The following MCC variants were observed in gnomAD, a reference collection of about 807,000 sequenced individuals.
The protein encoded by MCC is MCC regulator of Wnt signaling pathway, also known as colorectal mutant cancer protein.
A neutral mutation model predicts 116.2 loss-of-function variants in MCC; 90 were observed. The observed-to-expected ratio is 0.77, with a 90% CI of 0.65 to 0.92. MCC has a LOEUF of 0.92. Among genes scored for constraint, MCC ranks in the 40% least tolerant of loss-of-function variants. The pLI is 0.00. For missense variants in MCC, 1,516 were observed against 1,312.2 expected (o/e 1.16, Z -2.40); for synonymous variants, 578 against 510.5 (o/e 1.13, Z -1.78).
At chr5:113,359,641 A>G (rs1160375784) in intron 2 of MCC, among the ~76,000 whole-genome samples, 1 of 152,252 alleles carries the variant, frequency 6.6e-6, no homozygotes, top group African/African-American at 2.4e-5. Context: ...ATTAAAAATA[A>G]TATTTGGCAG....
At chr5:113,247,531 G>A (rs1764623295) in intron 3 of MCC, among the ~76,000 whole-genome samples, 1 of 152,162 alleles carries the variant, frequency 6.6e-6, no homozygotes, top group African/African-American at 2.4e-5. Flanking sequence ...TCACATGGAA[G>A]TTTTAGTAGA....
intron 6 of MCC, among the ~76,000 whole-genome samples, chr5:113,111,771 T>C (rs1161375434): frequency 2.0e-5 from 3 of 152,324 alleles, no homozygotes. Flanking sequence ...GGACTTACTA[T>C]ACTTTGGAAA....
At chr5:113,298,439 A>G (rs1766765480) in intron 3 of MCC, among the ~76,000 whole-genome samples, 1 of 152,232 alleles carries the variant, frequency 6.6e-6, no homozygotes, top group Non-Finnish European at 1.5e-5. Context: ...ATAAATTACC[A>G]TAGGGAGTGA....
At chr5:113,376,275 A>G (rs1768977396) in intron 2 of MCC, among the ~76,000 whole-genome samples, 1 of 152,286 alleles carries the variant, frequency 6.6e-6, no homozygotes, top group African/African-American at 2.4e-5. Flanking sequence ...ATTAGGTGCT[A>G]TGGGTATCAG....
intron 3 of MCC, among the ~76,000 whole-genome samples, chr5:113,315,574 A>G (rs1187529703): frequency 1.3e-5 from 2 of 152,128 alleles, no homozygotes; most frequent in African/African-American, 4.8e-5. Flanking sequence ...CTTTTTAAAA[A>G]AAATGACAGC....
intron 3 of MCC, among the ~76,000 whole-genome samples, chr5:113,257,912 A>G (rs1286425771): frequency 6.6e-6 from 1 of 152,160 alleles, no homozygotes; most frequent in Admixed American, 6.5e-5. Flanking sequence ...GGGAGGGAGG[A>G]CAGATGGATA....
chr5:113,181,895 CA>C (rs1761647060), intron 3 of MCC, among the ~76,000 whole-genome samples: 1 of 152,178 alleles, frequency 6.6e-6, no homozygotes, highest in Non-Finnish European at 1.5e-5. Context: ...GGGGTTTTAA[CA>C]GTTGCCACGC....
At chr5:113,356,621 T>G (rs966460186) in intron 2 of MCC, among the ~76,000 whole-genome samples, 1 of 152,152 alleles carries the variant, frequency 6.6e-6, no homozygotes, top group African/African-American at 2.4e-5. Context: ...ACATTTGCCC[T>G]GCTGGGTACT....
intron 5 of MCC, among the ~76,000 whole-genome samples, chr5:113,142,184 A>C (rs894756744): frequency 6.6e-6 from 1 of 152,070 alleles, no homozygotes; most frequent in African/African-American, 2.4e-5. Context: ...TTGGTGTTGG[A>C]ACAAAATGCA....
chr5:113,027,571 G>A, intron 18 of MCC, 89 bp from the exon 19 acceptor site: 1 of 1,175,332 alleles, frequency 8.5e-7, no homozygotes, highest in Non-Finnish European at 1.2e-6. Context: ...CAGATCTAGT[G>A]AGCACTGCTC....
intron 3 of MCC, chr5:113,295,099 T>C (rs1766670266): frequency 4.1e-6 from 1 of 243,852 alleles, no homozygotes; most frequent in South Asian, 1.5e-4. Context: ...TTCTCTGCAA[T>C]AGTAATTAAG....
chr5:113,150,217 T>C (rs958176779), intron 4 of MCC, among the ~76,000 whole-genome samples: 2 of 152,156 alleles, frequency 1.3e-5, no homozygotes, highest in South Asian at 2.1e-4. Context: ...GCTGCCATTT[T>C]TGACAAGAAA....
intron 3 of MCC, among the ~76,000 whole-genome samples, chr5:113,189,911 T>C (rs1344213594): frequency 1.3e-5 from 2 of 152,130 alleles, no homozygotes; most frequent in African/African-American, 2.4e-5. Context: ...CAGGAGAAGA[T>C]CCAGGCTTGG....
At chr5:113,342,162 C>T (rs1768034200) in intron 2 of MCC, among the ~76,000 whole-genome samples, 2 of 152,126 alleles carry the variant, frequency 1.3e-5, no homozygotes, top group Admixed American at 1.3e-4. Flanking sequence ...GCTGTGAATG[C>T]CATTATTTTG....
In MCC at chr5:113,434,044, T is replaced by A. The variant is rs1411721687; in HGVS notation, c.171-48832A>T. 2.5e-6 allele frequency: 4 copies of A among 1,613,922 alleles called. No homozygotes were observed. The highest frequency in any genetic ancestry group is 3.4e-6 in the Non-Finnish European group (4 of 1,179,918). Reference sequence around the variant, plus strand: ...GGCTGCATCCAGCAGTGGCTGAGGATCTCGTCGATGTGGAGCCGCCGGTTG... The same window carrying A: ...GGCTGCATCCAGCAGTGGCTGAGGAACTCGTCGATGTGGAGCCGCCGGTTG... On this transcript the variant is annotated intron_variant, in intron 1 of 18. Coordinates refer to ENST00000408903, the MANE Select transcript of MCC (RefSeq NM_001085377.2). The surrounding 1 kb of genome is among the most constrained non-coding windows in gnomAD (Gnocchi z 4.2).
chr5:113,273,377 A>T (rs187156822), intron 3 of MCC, among the ~76,000 whole-genome samples: 12 of 152,314 alleles, frequency 7.9e-5, no homozygotes, highest in African/African-American at 2.9e-4. Context: ...AGATCTTAGG[A>T]AAGTTGATAT....
chr5:113,265,074 T>G (rs1170305328), intron 3 of MCC, among the ~76,000 whole-genome samples: 1 of 152,148 alleles, frequency 6.6e-6, no homozygotes, highest in African/African-American at 2.4e-5. Context: ...GCTATGTCCA[T>G]TTTGTTTACA....
chr5:113,104,139 C>T (rs1213518644), intron 7 of MCC, 53 bp downstream of exon 7: 1 of 1,509,252 alleles, frequency 6.6e-7, no homozygotes. Flanking sequence ...AAGGATTGGA[C>T]CATTTCCCTT....
At chr5:113,075,383 G>A (rs1332607752) in intron 11 of MCC, among the ~76,000 whole-genome samples, 1 of 152,180 alleles carries the variant, frequency 6.6e-6, no homozygotes, top group Non-Finnish European at 1.5e-5. Context: ...GCTCTGAGGT[G>A]CCCAGTCCCA....
Sources: gnomAD v4.1 joint callset for allele counts (sites outside exome capture counted in the v4.1 genomes callset) on GRCh38, gnomAD v4.1.1 for gene constraint, Gnocchi (gnomAD v3.1) non-coding constraint, MANE v1.5 for transcripts, NCBI Gene and HGNC (gene_info 2026-07-23, HGNC 2026-07-21) for gene names.